Variants in TM9SF2 observed in about 807,000 individuals in gnomAD.
The protein encoded by TM9SF2 is 76 kDa membrane protein.
A neutral mutation model predicts 84.9 loss-of-function variants in TM9SF2; 13 were observed. That is an observed-to-expected ratio of 0.15 (90% CI 0.10 to 0.24). The LOEUF (loss-of-function observed/expected upper bound fraction) is 0.24, where lower values mean the gene tolerates loss of function less well. TM9SF2 is among the 10% of genes least tolerant of loss of function. The pLI, the probability that TM9SF2 is intolerant of heterozygous loss-of-function variation, is 1.00. For synonymous variants in TM9SF2, 273 were observed against 285.8 expected (o/e 0.96, Z 0.45); for missense variants, 562 against 818.5 (o/e 0.69, Z 3.82).
chr13:99,503,480 G>T (rs562019839), intron 1 of TM9SF2, among the ~76,000 whole-genome samples: 35 of 152,230 alleles, frequency 2.3e-4, no homozygotes, highest in South Asian at 1.2e-3. Flanking sequence ...AGGCCGAGGC[G>T]GGTGGATCAC....
At chr13:99,559,969 TC>T (rs1330130445) in intron 16 of TM9SF2, among the ~76,000 whole-genome samples, 1 of 152,132 alleles carries the variant, frequency 6.6e-6, no homozygotes. Context: ...AATGGGACAT[TC>T]CTTAATCTAG....
chr13:99,559,686 C>A (rs2046336699), intron 16 of TM9SF2, 152 bp downstream of exon 16: 1 of 700,546 alleles, frequency 1.4e-6, no homozygotes. Context: ...TGGGTCTGCC[C>A]ACCTGTGAGT....
rs145927525 is a variant in TM9SF2 at position 99,546,053 on chromosome 13, C to T, written c.1151-932C>T. Among the ~76,000 whole-genome samples, 9 of 152,298 alleles carry T rather than the reference C, an allele frequency of 5.9e-5. No homozygotes were observed. The East Asian group carries it at 9.6e-4, about 16-fold the overall frequency. On this transcript the variant is annotated intron_variant, in intron 10 of 16. Transcript: ENST00000376387. The stretch of plus-strand genomic sequence containing the variant: ...CCGAAGGGCAGTCCATTTTTCAGGT[C>T]GAGGAGGAGAAAGGGGTTGCATTTT...
intron 2 of TM9SF2, among the ~76,000 whole-genome samples, chr13:99,518,209 T>C (rs2139077756): frequency 6.6e-6 from 1 of 152,352 alleles, no homozygotes; most frequent in Non-Finnish European, 1.5e-5. Flanking sequence ...CCTCCCGCGT[T>C]CAGGCGAATC....
chr13:99,552,602 T>C (rs1475655423), intron 13 of TM9SF2, among the ~76,000 whole-genome samples: 3 of 152,122 alleles, frequency 2.0e-5, no homozygotes, highest in African/African-American at 7.2e-5. Flanking sequence ...CATTCATTCA[T>C]TCATTCATTC....
At chr13:99,546,876 G>A (rs969825750) in intron 10 of TM9SF2, 109 bp from the exon 11 acceptor site, 27 of 1,479,262 alleles carry the variant, frequency 1.8e-5, no homozygotes, top group Non-Finnish European at 2.2e-5. Context: ...ATGGTTTTGC[G>A]TGAAGTTGTA....
chr13:99,535,225 A>G (rs183532224), intron 4 of TM9SF2, among the ~76,000 whole-genome samples: 64 of 152,290 alleles, frequency 4.2e-4, no homozygotes, highest in Non-Finnish European at 7.5e-4. Context: ...GCTTCCTATT[A>G]CCAGAAAAAG....
In TM9SF2 at chr13:99,510,367, C is replaced by T. The variant is rs79600891; in HGVS notation, c.172-7247C>T. On this transcript the variant is annotated intron_variant, in intron 1 of 16. Coordinates refer to ENST00000376387, the MANE Select transcript of TM9SF2 (RefSeq NM_004800.3). ...TATCTTTATAACAACACCCCATCCT[C>T]GGCACCAATTTTCTTTGTTAGGCTC... 6.1e-3 allele frequency among the ~76,000 whole-genome samples: 934 copies of T among 152,246 alleles called. 8 individuals are homozygous for T. The highest frequency in any genetic ancestry group is 0.021 in the African/African-American group (857 of 41,536).
At chr13:99,556,574 C>T (rs1410289143) in intron 15 of TM9SF2, among the ~76,000 whole-genome samples, 1 of 137,076 alleles carries the variant, frequency 7.3e-6, no homozygotes. Context: ...TACTTCATTC[C>T]TTTTTTTTTT....
intron 3 of TM9SF2, among the ~76,000 whole-genome samples, chr13:99,527,980 C>T (rs1424209978): frequency 2.0e-5 from 3 of 152,128 alleles, no homozygotes; most frequent in African/African-American, 7.2e-5. Context: ...TTTTGATTTT[C>T]AGAATTATTC....
chr13:99,552,057 A>G, intron 12 of TM9SF2, 110 bp from the exon 13 acceptor site: 1 of 1,050,170 alleles, frequency 9.5e-7, no homozygotes, highest in South Asian at 1.9e-5. Flanking sequence ...CAGCAATTCC[A>G]CTTTCTTTGT....
chr13:99,525,553 A>AT (rs34947354), intron 3 of TM9SF2, among the ~76,000 whole-genome samples: 15,862 of 119,506 alleles, frequency 0.13, 1,328 homozygotes, highest in East Asian at 0.22. Context: ...CTTATGATAG[A>AT]TTTTTTTTTT....
chr13:99,525,185 GGCAGT>G (rs1180143905), intron 3 of TM9SF2, among the ~76,000 whole-genome samples: 1 of 152,134 alleles, frequency 6.6e-6, no homozygotes, highest in Non-Finnish European at 1.5e-5. Context: ...TTATTTTACT[GGCAGT>G]GAGAAAAAGA....
chr13:99,544,019 A>C (rs766172066), intron 10 of TM9SF2, 24 bp downstream of exon 10: 1 of 1,609,354 alleles, frequency 6.2e-7, no homozygotes, highest in Non-Finnish European at 8.5e-7. Flanking sequence ...GAAAATTTTC[A>C]AGTAGAAAAT....
intron 2 of TM9SF2, 41 bp from the exon 3 acceptor site, chr13:99,519,995 G>A (rs757338764): frequency 9.0e-5 from 142 of 1,578,324 alleles, no homozygotes; most frequent in East Asian, 4.5e-5. Flanking sequence ...ATATTTCATC[G>A]TTCCCTTTTA....
Position 99,543,028 on chromosome 13 carries a change from C to T in TM9SF2, c.1018-835C>T, listed in dbSNP as rs61972546. On this transcript the variant is annotated intron_variant, in intron 9 of 16. Coordinates refer to ENST00000376387, the MANE Select transcript of TM9SF2 (RefSeq NM_004800.3). Reference sequence around the variant, plus strand: ...ACGTTACCTCAGCACTCTGCTGCACCTGTGCCGGCTACCTTGCTGTTCCTC... The same window carrying T: ...ACGTTACCTCAGCACTCTGCTGCACTTGTGCCGGCTACCTTGCTGTTCCTC... Among the ~76,000 whole-genome samples the T allele has an allele frequency of 2.3e-3, 345 of 152,346 alleles. 1 individual carries two copies. Among genetic ancestry groups the T allele is most frequent in the Non-Finnish European group, 3.6e-3 (247 of 68,030 alleles).
chr13:99,519,373 C>G (rs773380023), intron 2 of TM9SF2, among the ~76,000 whole-genome samples: 1 of 151,706 alleles, frequency 6.6e-6, no homozygotes, highest in Non-Finnish European at 1.5e-5. Flanking sequence ...CTGTACTGAT[C>G]TCAGATATTC....
At chr13:99,511,118 G>A (rs1332415030) in intron 1 of TM9SF2, among the ~76,000 whole-genome samples, 1 of 151,958 alleles carries the variant, frequency 6.6e-6, no homozygotes, top group Non-Finnish European at 1.5e-5. Context: ...TTGCTTTACA[G>A]TGAGACTAAG....
In TM9SF2 at chr13:99,530,651, A is replaced by C. The variant is rs557421080; in HGVS notation, c.461+1057A>C. ...TTTTATACTTGTGGGCTATGAAAAA[A>C]ATCACAGGAAAACAAAACTTAACTT... On this transcript the variant is annotated intron_variant, in intron 4 of 16. Coordinates refer to ENST00000376387, the MANE Select transcript of TM9SF2 (RefSeq NM_004800.3). 7.2e-5 allele frequency among the ~76,000 whole-genome samples: 11 copies of C among 152,330 alleles called. 1 individual carries two copies. In the South Asian group the frequency reaches 1.5e-3, roughly 20 times the overall value.
Sources: gnomAD v4.1 joint callset for allele counts (sites outside exome capture counted in the v4.1 genomes callset) on GRCh38, gnomAD v4.1.1 for gene constraint, MANE v1.5 for transcripts, NCBI Gene and HGNC (gene_info 2026-07-23, HGNC 2026-07-21) for gene names.